Variants in AGAP1 observed in about 807,000 individuals in gnomAD.
The protein encoded by AGAP1 is ArfGAP with GTPase domain, ankyrin repeat and PH domain 1, also known as arf-GAP with GTPase, ANK repeat and PH domain-containing protein 1.
Under a neutral mutation model 105.3 loss-of-function variants are expected in AGAP1, and 29 were observed. The ratio of observed to expected loss-of-function variants is 0.28; its 90% CI spans 0.21 to 0.38. The LOEUF (loss-of-function observed/expected upper bound fraction) is 0.38, where lower values mean the gene tolerates loss of function less well. Among genes scored for constraint, AGAP1 ranks in the 10% least tolerant of loss-of-function variants. The pLI, the probability that AGAP1 is intolerant of heterozygous loss-of-function variation, is 1.00. For synonymous variants in AGAP1, 509 were observed against 485.9 expected (o/e 1.05, Z -0.63); for missense variants, 998 against 1,165.1 (o/e 0.86, Z 2.09).
chr2:235,716,840 C>G lies in AGAP1; in HGVS notation c.223-717C>G, dbSNP rs1417966429. On this transcript the variant is annotated intron_variant, in intron 2 of 17. Transcript: ENST00000304032. The surrounding 1 kb of genome is among the most constrained non-coding windows in gnomAD (Gnocchi z 4.0). ...AGAATCCCCTGGAAAGTCAGCCTTG[C>G]CGCCAGGTTACTGCTAGGACAGAGG... Among the ~76,000 whole-genome samples the G allele has an allele frequency of 6.6e-6, 1 of 152,088 alleles. No homozygotes were observed. The highest frequency in any genetic ancestry group is 1.5e-5 in the Non-Finnish European group (1 of 68,004).
intron 9 of AGAP1, among the ~76,000 whole-genome samples, chr2:235,837,165 A>T (rs987303263): frequency 6.6e-6 from 1 of 152,130 alleles, no homozygotes; most frequent in Non-Finnish European, 1.5e-5. Context: ...TTGTATTTTT[A>T]GTAGAGACAG....
At position 235,953,613 on chromosome 2, in the gene AGAP1, A is replaced by G. The variant is rs2053831093; in HGVS notation, c.1484-14849A>G. Among the ~76,000 whole-genome samples, 1 of 152,084 alleles carries G rather than the reference A, an allele frequency of 6.6e-6. No individual in the cohort carries two copies. Among genetic ancestry groups the G allele is most frequent in the Non-Finnish European group, 1.5e-5 (1 of 68,026 alleles). ...TGACAGACTTGATTACGGAGCACCT[A>G]TTTTGTGCATGGTGCTTGCTGGCCA... On this transcript the variant is annotated intron_variant, in intron 12 of 17. Coordinates refer to ENST00000304032, the MANE Select transcript of AGAP1 (RefSeq NM_001037131.3). This position sits in a 1 kb window ranked among gnomAD's most constrained non-coding sequence, Gnocchi z 5.2.
chr2:235,978,382 C>T (rs946972136), intron 13 of AGAP1, among the ~76,000 whole-genome samples: 9 of 152,210 alleles, frequency 5.9e-5, no homozygotes, highest in African/African-American at 1.9e-4. Flanking sequence ...GTCCTTTCCC[C>T]TTCACTCTTC....
intron 1 of AGAP1, among the ~76,000 whole-genome samples, chr2:235,607,192 C>G (rs187979600): frequency 1.3e-5 from 2 of 152,166 alleles, no homozygotes; most frequent in Admixed American, 6.5e-5. Context: ...CAGAGCCCCC[C>G]CTTCCCTGCC....
chr2:236,093,867 A>G lies in AGAP1; in HGVS notation c.2115-26325A>G, dbSNP rs189751388. Among the ~76,000 whole-genome samples, 672 of 152,326 alleles carry G rather than the reference A, an allele frequency of 4.4e-3. 1 individual carries two copies. Among genetic ancestry groups the G allele is most frequent in the Non-Finnish European group, 7.4e-3 (504 of 68,020 alleles). On this transcript the variant is annotated intron_variant, in intron 16 of 17. Transcript: ENST00000304032. ...GAAAAGATCATTTGAAAAATTACTTAAAAGGTATTTTTTGACATTTTTAAA... is the reference window on the plus strand; with the variant it reads ...GAAAAGATCATTTGAAAAATTACTTGAAAGGTATTTTTTGACATTTTTAAA...
At chr2:236,118,918 C>T (rs2125970624) in intron 16 of AGAP1, among the ~76,000 whole-genome samples, 1 of 152,178 alleles carries the variant, frequency 6.6e-6, no homozygotes, top group South Asian at 2.1e-4. Context: ...CAGAAACCAT[C>T]ATCAGTAGCC....
intron 1 of AGAP1, chr2:235,524,619 G>A (rs1172080640): frequency 5.7e-6 from 1 of 176,628 alleles, no homozygotes; most frequent in East Asian, 1.9e-4. Flanking sequence ...CTATAAAGTA[G>A]GAAAACATGC....
At position 235,867,775 on chromosome 2, in the gene AGAP1, A is replaced by G. The variant is rs2049253633; in HGVS notation, c.1051-15570A>G. ...CTCAGCAGGGGCATCACCTGGATGT[A>G]CCATTTTCCGCATGGAGCTGGTGCC... is the stretch of plus-strand genomic sequence containing the variant. On this transcript the variant is annotated intron_variant, in intron 9 of 17. Transcript: ENST00000304032. This position sits in a 1 kb window ranked among gnomAD's most constrained non-coding sequence, Gnocchi z 5.4. Among the ~76,000 whole-genome samples the G allele has an allele frequency of 1.3e-5, 2 of 152,106 alleles. No individual in the cohort carries two copies. Among genetic ancestry groups the G allele is most frequent in the African/African-American group, 4.8e-5 (2 of 41,404 alleles).
At position 235,528,352 on chromosome 2, in the gene AGAP1, TC is replaced by T. The variant is rs1206622835; in HGVS notation, c.163+33508del. On this transcript the variant is annotated intron_variant, in intron 1 of 17. Transcript: ENST00000304032. ...CCACCATCTGTGCACTCAGGCCCCC[TC>T]CCCCTCCCCCGCCCCCTCCCCTCCC... Among the ~76,000 whole-genome samples, 273 of 71,242 alleles carry T rather than the reference TC, an allele frequency of 3.8e-3. 3 individuals carry two copies. Among genetic ancestry groups the T allele is most frequent in the African/African-American group, 0.013 (261 of 19,690 alleles). The allele number at this position is 71,242 out of a possible 152,430, so 46.7% of individuals were successfully genotyped here.
At position 235,744,920 on chromosome 2, in the gene AGAP1, C is replaced by A; in HGVS notation, c.538+81C>A. The A allele has an allele frequency of 6.6e-7, 1 of 1,520,266 alleles. No homozygotes were observed. The highest frequency in any genetic ancestry group is 2.3e-5 in the East Asian group (1 of 43,124). 94.2% of individuals were successfully genotyped at this position (1,520,266 alleles called of 1,614,324 possible). On this transcript the variant is annotated intron_variant, in intron 5 of 17. Coordinates refer to ENST00000304032, the MANE Select transcript of AGAP1 (RefSeq NM_001037131.3). This position sits in a 1 kb window ranked among gnomAD's most constrained non-coding sequence, Gnocchi z 5.2. ...TCAGTATGGAGGAGTTTAAAAAATG[C>A]TTTAAAGAAGGAAAAATTGCCTACT...
intron 13 of AGAP1, among the ~76,000 whole-genome samples, chr2:235,998,895 G>T (rs1292736515): frequency 2.0e-5 from 3 of 150,388 alleles, no homozygotes; most frequent in Admixed American, 2.0e-4. Context: ...GGTGGTGGTA[G>T]TGGTGACGGC....
chr2:235,643,470 T>C (rs1490231627), intron 1 of AGAP1, among the ~76,000 whole-genome samples: 6 of 136,198 alleles, frequency 4.4e-5, no homozygotes, highest in Admixed American at 3.6e-4. Flanking sequence ...AGAAAGAAAG[T>C]TTAAAGGATG....
chr2:236,011,056 G>T (rs568022234), intron 13 of AGAP1, among the ~76,000 whole-genome samples: 64 of 152,130 alleles, frequency 4.2e-4, no homozygotes, highest in Non-Finnish European at 7.7e-4. Flanking sequence ...TCAAAAAAAT[G>T]AAAAAAGAAA....
At chr2:235,800,074 A>C (rs1226090719) in intron 8 of AGAP1, among the ~76,000 whole-genome samples, 1 of 149,400 alleles carries the variant, frequency 6.7e-6, no homozygotes, top group Non-Finnish European at 1.5e-5. Flanking sequence ...TAAATTCACA[A>C]TCTGGGTGCA....
chr2:235,670,083 C>A lies in AGAP1; in HGVS notation c.164-39096C>A, dbSNP rs751506640. The A allele has an allele frequency of 4.4e-5, 19 of 435,246 alleles. No homozygotes were observed. In the South Asian group the frequency reaches 7.6e-4, roughly 17 times the overall value. The allele number at this position is 435,246 out of a possible 1,614,324, so 27.0% of individuals were successfully genotyped here. ...GCGGGCTCGCTGGATGCGGCGGGGCCCCAGCGCGCGGGCGACATGTACTTG... is the reference window on the plus strand; with the variant it reads ...GCGGGCTCGCTGGATGCGGCGGGGCACCAGCGCGCGGGCGACATGTACTTG... On this transcript the variant is annotated intron_variant, in intron 1 of 17. Transcript: ENST00000304032.
At chr2:235,911,949 G>A (rs2051639163) in intron 11 of AGAP1, among the ~76,000 whole-genome samples, 1 of 152,206 alleles carries the variant, frequency 6.6e-6, no homozygotes, top group Non-Finnish European at 1.5e-5. Flanking sequence ...AGTGCCTCAC[G>A]GCCACAGCAG....
rs1953089662 is a variant in AGAP1, at chr2:235,747,814, A to G, written c.539-2540A>G. 1.3e-5 allele frequency among the ~76,000 whole-genome samples: 2 copies of G among 152,200 alleles called. No individual in the cohort carries two copies. Among genetic ancestry groups the G allele is most frequent in the Non-Finnish European group, 2.9e-5 (2 of 68,034 alleles). On this transcript the variant is annotated intron_variant, in intron 5 of 17. Coordinates refer to ENST00000304032, the MANE Select transcript of AGAP1 (RefSeq NM_001037131.3). This position sits in a 1 kb window ranked among gnomAD's most constrained non-coding sequence, Gnocchi z 5.0. Reference sequence around the variant, plus strand: ...CAGGTTGTCTAGGAAGGCACCTGGCATTTCTCTTCCTGCTGCTTTGGGGTA... The same window carrying G: ...CAGGTTGTCTAGGAAGGCACCTGGCGTTTCTCTTCCTGCTGCTTTGGGGTA...
At chr2:235,775,037 A>ATTT (rs1201979870) in intron 6 of AGAP1, among the ~76,000 whole-genome samples, 1 of 152,140 alleles carries the variant, frequency 6.6e-6, no homozygotes, top group East Asian at 1.9e-4. Context: ...AAAGTTTGAG[A>ATTT]GAAAGCTCCA....
Position 235,550,175 on chromosome 2 carries a change from G to A in AGAP1, c.163+55326G>A, listed in dbSNP as rs1490492536. Among the ~76,000 whole-genome samples, 1 of 152,160 alleles carries A rather than the reference G, an allele frequency of 6.6e-6. No individual in the cohort carries two copies. Among genetic ancestry groups the A allele is most frequent in the Non-Finnish European group, 1.5e-5 (1 of 68,022 alleles). On this transcript the variant is annotated intron_variant, in intron 1 of 17. Transcript: ENST00000304032. The surrounding 1 kb of genome is among the most constrained non-coding windows in gnomAD (Gnocchi z 4.6). Reference sequence around the variant, plus strand: ...TGCAGCCTGCACACTCCCAGCACCCGTGGCAGTCTTAGCAGGTGGATTATC... The same window carrying A: ...TGCAGCCTGCACACTCCCAGCACCCATGGCAGTCTTAGCAGGTGGATTATC...
Sources: gnomAD v4.1 joint callset for allele counts (sites outside exome capture counted in the v4.1 genomes callset) on GRCh38, gnomAD v4.1.1 for gene constraint, Gnocchi (gnomAD v3.1) non-coding constraint, MANE v1.5 for transcripts, NCBI Gene and HGNC (gene_info 2026-07-23, HGNC 2026-07-21) for gene names.